CHRNA7: variants seen among roughly 807,000 people sequenced by gnomAD.
CHRNA7 encodes neuronal acetylcholine receptor subunit alpha-7.
CHRNA7 carries 17 observed loss-of-function variants against 48.0 expected under a neutral mutation model. The observed-to-expected ratio is 0.35, with a 90% confidence interval of 0.24 to 0.53. CHRNA7 has a LOEUF of 0.53. Ranked by LOEUF, CHRNA7 falls within the 20% of genes least tolerant of loss-of-function variation. The pLI is 0.92. For synonymous variants in CHRNA7, 75 were observed against 242.3 expected, an observed-to-expected ratio of 0.31 and a Z score of 6.41; for missense variants, 155 against 577.7, an observed-to-expected ratio of 0.27 and a Z score of 7.50.
chr15:32,080,465 T>TA (rs1307970780), intron 2 of CHRNA7, among the ~76,000 whole-genome samples: 3 of 151,218 alleles, frequency 2.0e-5, no homozygotes, highest in East Asian at 3.9e-4. Context: ...ACAACCCCAT[T>TA]AAAAAAATGG....
chr15:32,150,416 C>T (rs929550635), intron 4 of CHRNA7, among the ~76,000 whole-genome samples: 4 of 152,148 alleles, frequency 2.6e-5, no homozygotes, highest in Non-Finnish European at 4.4e-5. Flanking sequence ...GAACGCATCC[C>T]ACGTCTGGTG....
chr15:32,136,091 T>G (rs926025148), intron 4 of CHRNA7, among the ~76,000 whole-genome samples: 4 of 152,146 alleles, frequency 2.6e-5, no homozygotes, highest in Non-Finnish European at 5.9e-5. Flanking sequence ...AGAAGACGTT[T>G]AGGAACTAGG....
rs573631894 is a variant in CHRNA7 at position 32,059,128 on chromosome 15, C to T, written c.195+28091C>T. Among the ~76,000 whole-genome samples, 8 of 152,136 alleles carry T rather than the reference C, an allele frequency of 5.3e-5. No individual in the cohort carries two copies. In the East Asian group the frequency reaches 9.7e-4, roughly 18 times the overall value. ...AAGCAATTCTCATGCCTCAGTCTCC[C>T]GAGTGGCTGAGACTACAGGTGCACA... On this transcript the variant is annotated intron_variant, in intron 2 of 9. Transcript: ENST00000306901.
chr15:32,063,547 C>T (rs936988780), intron 2 of CHRNA7, among the ~76,000 whole-genome samples: 1 of 152,164 alleles, frequency 6.6e-6, no homozygotes, highest in Non-Finnish European at 1.5e-5. Context: ...CAGGTAGTTT[C>T]CCCAAGCCTT....
intron 2 of CHRNA7, among the ~76,000 whole-genome samples, chr15:32,038,616 G>C (rs978263884): frequency 1.3e-4 from 20 of 152,150 alleles, no homozygotes; most frequent in African/African-American, 4.6e-4. Flanking sequence ...TGATCTGCCT[G>C]TCTCAGCCTC....
At chr15:32,157,445 C>A in intron 5 of CHRNA7, 163 bp from the exon 6 acceptor site, 1 of 514,256 alleles carries the variant, frequency 1.9e-6, no homozygotes, top group Non-Finnish European at 3.6e-6. Context: ...AGCTGAGATT[C>A]TGTTTTACAG....
intron 4 of CHRNA7, among the ~76,000 whole-genome samples, chr15:32,147,395 A>C (rs1211534367): frequency 6.6e-6 from 1 of 152,164 alleles, no homozygotes; most frequent in Non-Finnish European, 1.5e-5. Context: ...CTGAATCTAA[A>C]ATAAAAATCA....
chr15:32,070,932 C>G (rs534361736), intron 2 of CHRNA7, among the ~76,000 whole-genome samples: 60 of 151,820 alleles, frequency 4.0e-4, no homozygotes, highest in Non-Finnish European at 7.2e-4. Flanking sequence ...CATGATCCGC[C>G]CATCTCAGCC....
intron 4 of CHRNA7, among the ~76,000 whole-genome samples, chr15:32,136,813 C>T (rs956717821): frequency 6.6e-6 from 1 of 151,542 alleles, no homozygotes; most frequent in Non-Finnish European, 1.5e-5. Context: ...GGGCGGATCA[C>T]GAGGTCAGGA....
At chr15:32,068,142 T>G (rs1318028050) in intron 2 of CHRNA7, among the ~76,000 whole-genome samples, 3 of 151,812 alleles carry the variant, frequency 2.0e-5, no homozygotes, top group African/African-American at 7.3e-5. Flanking sequence ...TGAGGCCCTA[T>G]CTCTACAAAA....
intron 4 of CHRNA7, among the ~76,000 whole-genome samples, chr15:32,124,296 T>G (rs2051027513): frequency 6.6e-6 from 1 of 152,104 alleles, no homozygotes; most frequent in Non-Finnish European, 1.5e-5. Context: ...AGGGACAAAA[T>G]GAATATTTTA....
intron 2 of CHRNA7, among the ~76,000 whole-genome samples, chr15:32,076,667 C>T (rs1439119117): frequency 1.3e-5 from 2 of 152,092 alleles, no homozygotes; most frequent in Non-Finnish European, 2.9e-5. Flanking sequence ...AACAAAAGTA[C>T]AAAGATTTCC....
chr15:32,133,048 A>G (rs1448582177), intron 4 of CHRNA7, among the ~76,000 whole-genome samples: 1 of 152,170 alleles, frequency 6.6e-6, no homozygotes, highest in Non-Finnish European at 1.5e-5. Flanking sequence ...CCCAGTCAGC[A>G]TTGTCACTGG....
At chr15:32,102,775 A>C (rs1182889226) in intron 3 of CHRNA7, 2 of 152,230 alleles carry the variant, frequency 1.3e-5, no homozygotes. Context: ...AGGTGTAGTA[A>C]CATGAGTAGT....
intron 4 of CHRNA7, among the ~76,000 whole-genome samples, chr15:32,151,458 T>G (rs866216334): frequency 2.0e-5 from 3 of 152,148 alleles, no homozygotes; most frequent in African/African-American, 7.2e-5. Flanking sequence ...AAAACCCCTT[T>G]TTTTTTGCCT....
At chr15:32,062,429 C>T (rs892502385) in intron 2 of CHRNA7, among the ~76,000 whole-genome samples, 5 of 152,048 alleles carry the variant, frequency 3.3e-5, no homozygotes, top group Admixed American at 6.6e-5. Context: ...TATCTTTGGC[C>T]GGTTGTTGAA....
At chr15:32,088,230 G>A (rs2050329435) in intron 2 of CHRNA7, among the ~76,000 whole-genome samples, 1 of 152,134 alleles carries the variant, frequency 6.6e-6, no homozygotes, top group African/African-American at 2.4e-5. Flanking sequence ...TTAGCACTGT[G>A]TATTTAAGAA....
intron 2 of CHRNA7, among the ~76,000 whole-genome samples, chr15:32,051,972 T>C (rs995353676): frequency 2.0e-5 from 3 of 152,200 alleles, no homozygotes; most frequent in African/African-American, 7.2e-5. Flanking sequence ...CCACTGCACC[T>C]GGCCCTCTCT....
intron 2 of CHRNA7, among the ~76,000 whole-genome samples, chr15:32,053,352 T>G (rs1351523093): frequency 1.3e-5 from 2 of 152,234 alleles, no homozygotes; most frequent in Non-Finnish European, 2.9e-5. Flanking sequence ...GCTGCCTTAT[T>G]GATTTATTTT....
Sources: allele counts gnomAD v4.1 joint callset (sites outside exome capture counted in the v4.1 genomes callset), GRCh38; gene constraint gnomAD v4.1.1; transcripts MANE v1.5; gene names NCBI Gene and HGNC (gene_info 2026-07-23, HGNC 2026-07-21).